PLEKHA7: variants seen among roughly 807,000 people sequenced by gnomAD.
PLEKHA7 encodes pleckstrin homology domain containing A7, also known as pleckstrin homology domain-containing family A member 7.
PLEKHA7 carries 104 observed loss-of-function variants against 170.0 expected under a neutral mutation model. The observed-to-expected ratio is 0.61, with a 90% CI of 0.52 to 0.72. The LOEUF (loss-of-function observed/expected upper bound fraction) is 0.72. Among genes scored for constraint, PLEKHA7 ranks in the 30% least tolerant of loss-of-function variants. The probability of loss-of-function intolerance (pLI) is 0.00; values close to 1 mark genes in which losing one functional copy is unlikely to be tolerated. For missense variants in PLEKHA7, 1,615 were observed against 1,671.7 expected, an observed-to-expected ratio of 0.97 and a Z score of 0.59; for synonymous variants, 648 against 660.8, an observed-to-expected ratio of 0.98 and a Z score of 0.30.
At chr11:16,930,441 G>C (rs1382095917) in intron 3 of PLEKHA7, among the ~76,000 whole-genome samples, 2 of 152,108 alleles carry the variant, frequency 1.3e-5, no homozygotes, top group Non-Finnish European at 2.9e-5. Context: ...GAAAGACCTT[G>C]TCTCAAAATC....
At chr11:16,961,792 G>A (rs1352222538) in intron 3 of PLEKHA7, among the ~76,000 whole-genome samples, 1 of 152,332 alleles carries the variant, frequency 6.6e-6, no homozygotes, top group African/African-American at 2.4e-5. Flanking sequence ...TTCAGGTTAT[G>A]CCATTAATTC....
At chr11:16,909,250 G>A (rs1045874536) in intron 3 of PLEKHA7, among the ~76,000 whole-genome samples, 16 of 152,144 alleles carry the variant, frequency 1.1e-4, no homozygotes, top group Admixed American at 2.6e-4. Context: ...CCAAGAGGTG[G>A]TGTTTGAGGT....
At chr11:16,836,537 C>T (rs1344488490) in intron 9 of PLEKHA7, among the ~76,000 whole-genome samples, 1 of 152,240 alleles carries the variant, frequency 6.6e-6, no homozygotes, top group African/African-American at 2.4e-5. Context: ...GTTGGGGCCA[C>T]CCACTTACAG....
intron 3 of PLEKHA7, among the ~76,000 whole-genome samples, chr11:16,961,426 T>C (rs569218074): frequency 3.3e-5 from 5 of 152,212 alleles, no homozygotes; most frequent in Admixed American, 6.5e-5. Context: ...TCTCAAAGGC[T>C]ATGAGCCTTC....
At chr11:16,913,359 A>C (rs1209982578) in intron 3 of PLEKHA7, among the ~76,000 whole-genome samples, 2 of 152,148 alleles carry the variant, frequency 1.3e-5, no homozygotes, top group Non-Finnish European at 2.9e-5. Context: ...GCTGGCCCGC[A>C]CAGCATGGGC....
At chr11:16,937,500 A>G (rs1860386678) in intron 3 of PLEKHA7, among the ~76,000 whole-genome samples, 2 of 152,342 alleles carry the variant, frequency 1.3e-5, no homozygotes, top group Non-Finnish European at 2.9e-5. Context: ...CCATATAATG[A>G]GGAGTGAATA....
Position 16,841,668 on chromosome 11 carries a change from GA to G in PLEKHA7, c.750del (p.Gln251ArgfsTer7). On this transcript the variant is annotated frameshift_variant, in exon 9 of 27. Coordinates refer to ENST00000531066, the MANE Select transcript of PLEKHA7 (RefSeq NM_001329630.2). LOFTEE classifies it high-confidence loss of function. Reference sequence around the variant, plus strand: ...GTCCTCATGCCTGACTGCTCGGCCTGAGAGCCCGCTGTGGAGCTGTTATAGA... The same window carrying G: ...GTCCTCATGCCTGACTGCTCGGCCTGGAGCCCGCTGTGGAGCTGTTATAGA... ...ALIYNSSTAG[S>X]QAEQSGMRTY... 1 of 1,614,178 alleles carries G rather than the reference GA, an allele frequency of 6.2e-7. No individual in the cohort carries two copies. Among genetic ancestry groups the G allele is most frequent in the Non-Finnish European group, 8.5e-7 (1 of 1,180,024 alleles).
intron 11 of PLEKHA7, 113 bp downstream of exon 11, chr11:16,816,687 A>T: frequency 7.8e-7 from 1 of 1,275,578 alleles, no homozygotes; most frequent in Non-Finnish European, 1.1e-6. Flanking sequence ...TGTACTGCCT[A>T]AGTATTAGCT....
intron 24 of PLEKHA7, among the ~76,000 whole-genome samples, chr11:16,785,995 G>A (rs143838992): frequency 7.2e-4 from 109 of 152,340 alleles, no homozygotes; most frequent in African/African-American, 2.4e-3. Context: ...GGAAACTGAA[G>A]CACAGAGAAG....
intron 3 of PLEKHA7, among the ~76,000 whole-genome samples, chr11:16,996,708 G>A (rs950203926): frequency 6.6e-6 from 1 of 152,108 alleles, no homozygotes; most frequent in Non-Finnish European, 1.5e-5. Context: ...AGGCCGAGGC[G>A]GGCGGATCAC....
intron 3 of PLEKHA7, among the ~76,000 whole-genome samples, chr11:16,935,384 T>C (rs1480721948): frequency 6.6e-6 from 1 of 152,212 alleles, no homozygotes; most frequent in Non-Finnish European, 1.5e-5. Context: ...ATCGTGCCAT[T>C]GCACTCCAGC....
intron 3 of PLEKHA7, among the ~76,000 whole-genome samples, chr11:16,959,716 T>C (rs1861927186): frequency 6.6e-6 from 1 of 152,230 alleles, no homozygotes; most frequent in Admixed American, 6.5e-5. Context: ...ACAAAAGGCC[T>C]ACTCAGTTGA....
At chr11:16,824,908 G>A (rs1850517587) in intron 10 of PLEKHA7, among the ~76,000 whole-genome samples, 1 of 152,212 alleles carries the variant, frequency 6.6e-6, no homozygotes, top group Non-Finnish European at 1.5e-5. Context: ...GCACCAAGAA[G>A]AGCAGCTTCC....
chr11:16,807,508 G>A (rs1590183646), intron 13 of PLEKHA7, among the ~76,000 whole-genome samples: 1 of 152,194 alleles, frequency 6.6e-6, no homozygotes, highest in African/African-American at 2.4e-5. Flanking sequence ...TTTTGTGGGA[G>A]TGCAATTTCA....
intron 3 of PLEKHA7, among the ~76,000 whole-genome samples, chr11:16,921,400 A>G (rs144603804): frequency 7.7e-4 from 117 of 152,348 alleles, no homozygotes; most frequent in Non-Finnish European, 1.2e-3. Context: ...CACTGTGTCC[A>G]TCAGCCCCAC....
At chr11:17,007,186 G>A (rs1865050941) in intron 3 of PLEKHA7, among the ~76,000 whole-genome samples, 1 of 152,152 alleles carries the variant, frequency 6.6e-6, no homozygotes, top group Non-Finnish European at 1.5e-5. Flanking sequence ...CATGGTGGTG[G>A]CAACTCCTAG....
intron 23 of PLEKHA7, chr11:16,787,308 C>T: frequency 6.9e-6 from 6 of 872,962 alleles, no homozygotes; most frequent in Non-Finnish European, 8.2e-6. Context: ...CACCTCAAAG[C>T]CCCAAATGGT....
At chr11:16,885,258 T>C (rs372726207) in intron 3 of PLEKHA7, among the ~76,000 whole-genome samples, 28 of 149,412 alleles carry the variant, frequency 1.9e-4, no homozygotes, top group Admixed American at 1.1e-3. Flanking sequence ...TGAAATCAGG[T>C]GGCAGAGGTT....
chr11:16,948,611 C>A (rs78210206), intron 3 of PLEKHA7, among the ~76,000 whole-genome samples: 1,814 of 147,716 alleles, frequency 0.012, 43 homozygotes, highest in African/African-American at 0.045. Flanking sequence ...TCGCACCCCA[C>A]ATGCACACAC....
Sources: allele counts gnomAD v4.1 joint callset (sites outside exome capture counted in the v4.1 genomes callset), GRCh38; gene constraint gnomAD v4.1.1; transcripts MANE v1.5; gene names NCBI Gene and HGNC (gene_info 2026-07-23, HGNC 2026-07-21).